Variants in VIM observed in about 807,000 individuals in gnomAD.
VIM encodes vimentin.
A neutral mutation model predicts 50.3 loss-of-function variants in VIM; 18 were observed. The ratio of observed to expected loss-of-function variants is 0.36; its 90% CI spans 0.25 to 0.53. VIM has a LOEUF of 0.53. Among genes scored for constraint, VIM ranks in the 20% least tolerant of loss-of-function variants. The probability of loss-of-function intolerance (pLI) is 0.91; values close to 1 mark genes in which losing one functional copy is unlikely to be tolerated. For missense variants in VIM, 551 were observed against 614.7 expected (o/e 0.90, Z 1.10); for synonymous variants, 245 against 248.5 (o/e 0.99, Z 0.13).
intron 8 of VIM, 118 bp downstream of exon 8, chr10:17,236,007 T>TA: frequency 8.8e-7 from 1 of 1,141,808 alleles, no homozygotes; most frequent in South Asian, 1.3e-5. Context: ...GAAAACTCTA[T>TA]AAAACATCTA....
At position 17,229,274 on chromosome 10, in the gene VIM, A is replaced by G. The variant is rs1442160062; in HGVS notation, c.-147-2A>G. ...AAAAACAGCGCCCTCGGCGGGGTCC[A>G]GTCCTCTGCCACTCTCGCTCCGAGG... On this transcript the variant is annotated splice_acceptor_variant, in intron 1 of 9. Transcript: ENST00000544301. LOFTEE classifies it low-confidence loss of function (5UTR_SPLICE). 2 of 795,352 alleles carry G rather than the reference A, an allele frequency of 2.5e-6. No homozygotes were observed. Among genetic ancestry groups the G allele is most frequent in the Non-Finnish European group, 4.0e-6 (2 of 495,564 alleles). The allele number at this position is 795,352 out of a possible 1,614,324, so 49.3% of individuals were successfully genotyped here. A position where few individuals can be genotyped will look rare whatever the true frequency, so the allele number is the denominator to read the frequency against.
Position 17,229,611 on chromosome 10 carries a change from G to A in VIM, c.189G>A (p.Thr63=), listed in dbSNP as rs1846744345. The A allele has an allele frequency of 6.3e-7, 1 of 1,597,736 alleles. No individual in the cohort carries two copies. The highest frequency in any genetic ancestry group is 1.3e-5 in the African/African-American group (1 of 74,576). ...CGTCCCCGGGCGGCGTGTATGCCAC[G>A]CGCTCCTCTGCCGTGCGCCTGCGGA... The part of the protein sequence containing the change: ...YASSPGGVYA[T]RSSAVRLRSS... Residue 63 remains threonine (T), a synonymous_variant, in exon 2 of 10, where the codon ACG becomes ACA. Transcript: ENST00000544301.
rs957357494 is a variant in VIM, at chr10:17,236,008, A to G, written c.1273+119A>G. On this transcript the variant is annotated intron_variant, in intron 8 of 9. Coordinates refer to ENST00000544301, the MANE Select transcript of VIM (RefSeq NM_003380.5). The stretch of plus-strand genomic sequence containing the variant: ...AATGCCATATAAGAGAAAACTCTAT[A>G]AAACATCTATAATTTTCGAACCCAA... The G allele has an allele frequency of 2.3e-5, 26 of 1,143,936 alleles. No individual in the cohort carries two copies. In the African/African-American group the frequency reaches 3.9e-4, roughly 17 times the overall value. The allele number at this position is 1,143,936 out of a possible 1,614,324, so 70.9% of individuals were successfully genotyped here.
chr10:17,230,820 T>A, intron 3 of VIM, 110 bp downstream of exon 3: 1 of 1,282,530 alleles, frequency 7.8e-7, no homozygotes, highest in Non-Finnish European at 1.1e-6. Context: ...ACTTCAGGGC[T>A]GCGCGTAAAG....
intron 9 of VIM, among the ~76,000 whole-genome samples, chr10:17,236,989 T>A (rs1234690332): frequency 6.6e-6 from 1 of 152,176 alleles, no homozygotes; most frequent in Non-Finnish European, 1.5e-5. Flanking sequence ...TAAACACAGT[T>A]TTTTAAGAAA....
At chr10:17,233,046 G>T (rs950672371) in intron 3 of VIM, among the ~76,000 whole-genome samples, 1 of 152,174 alleles carries the variant, frequency 6.6e-6, no homozygotes, top group Middle Eastern at 3.2e-3. Context: ...CTCCTGGGTT[G>T]AAGAAATTCT....
chr10:17,228,247 C>T lies in VIM; in HGVS notation c.-425C>T, dbSNP rs1846712770. On this transcript the variant is annotated 5_prime_UTR_variant, in exon 1 of 10. Coordinates refer to ENST00000544301, the MANE Select transcript of VIM (RefSeq NM_003380.5). ...CCCGGTGCAATCGTGATCTGGGAGG[C>T]CCACGTATGGCGCCTCTCCAAAGGC... is the stretch of plus-strand genomic sequence containing the variant. 1 of 152,176 alleles carries T rather than the reference C, an allele frequency of 6.6e-6. No individual in the cohort carries two copies. The highest frequency in any genetic ancestry group is 2.4e-5 in the African/African-American group (1 of 41,428). The allele number at this position is 152,176 out of a possible 1,614,324, so 9.4% of individuals were successfully genotyped here.
At chr10:17,234,006 C>G in intron 5 of VIM, 75 bp downstream of exon 5, 1 of 1,543,570 alleles carries the variant, frequency 6.5e-7, no homozygotes, top group Non-Finnish European at 8.8e-7. Context: ...GTGTGTGATT[C>G]CTAAATATCC....
At chr10:17,230,916 T>A in intron 3 of VIM, 1 of 556,628 alleles carries the variant, frequency 1.8e-6, no homozygotes. Flanking sequence ...TTTTTTTTTT[T>A]TTTTGAGACG....
In VIM at chr10:17,237,572, C is replaced by A; in HGVS notation, c.*301C>A. 3.3e-6 allele frequency: 1 copy of A among 307,572 alleles called. No homozygotes were observed. Among genetic ancestry groups the A allele is most frequent in the Non-Finnish European group, 6.0e-6 (1 of 166,928 alleles). The allele number at this position is 307,572 out of a possible 1,614,324, so 19.1% of individuals were successfully genotyped here. On this transcript the variant is annotated 3_prime_UTR_variant, in exon 10 of 10. Transcript: ENST00000544301. Reference sequence around the variant, plus strand: ...GTATCCAACCAACTTGGTTCTGCTTCAATAAATCTTTGGAAAAACTCTTTT... The same window carrying A: ...GTATCCAACCAACTTGGTTCTGCTTAAATAAATCTTTGGAAAAACTCTTTT...
At chr10:17,230,347 G>A (rs529197835) in intron 2 of VIM, 3 of 569,374 alleles carry the variant, frequency 5.3e-6, no homozygotes, top group African/African-American at 1.9e-5. Context: ...GCCAATCACC[G>A]GGCGGGAGAA....
intron 3 of VIM, 33 bp from the exon 4 acceptor site, chr10:17,233,554 C>G (rs781628024): frequency 1.3e-6 from 2 of 1,599,398 alleles, no homozygotes; most frequent in Admixed American, 1.7e-5. Flanking sequence ...CTTTTACATC[C>G]TCCATGTCCT....
Position 17,229,118 on chromosome 10 carries a change from G to T in VIM, c.-147-158G>T, listed in dbSNP as rs539100868. The T allele has an allele frequency of 8.3e-5, 40 of 481,286 alleles. No homozygotes were observed. In the Middle Eastern group the frequency reaches 2.2e-3, roughly 27 times the overall value. The allele number at this position is 481,286 out of a possible 1,614,324, so 29.8% of individuals were successfully genotyped here. ...GGACCATGCCCAGTCCCAGGCCCCG[G>T]AGCAGGAAGGCTCGAGGGCGCCCCC... On this transcript the variant is annotated intron_variant, in intron 1 of 9. Coordinates refer to ENST00000544301, the MANE Select transcript of VIM (RefSeq NM_003380.5).
At chr10:17,230,815 A>C in intron 3 of VIM, 105 bp downstream of exon 3, 10 of 1,341,292 alleles carry the variant, frequency 7.5e-6, no homozygotes, top group Non-Finnish European at 1.1e-5. Context: ...GCAAAACTTC[A>C]GGGCTGCGCG....
intron 2 of VIM, 32 bp downstream of exon 2, chr10:17,230,017 T>G (rs767988668): frequency 1.3e-6 from 2 of 1,584,836 alleles, no homozygotes; most frequent in East Asian, 4.6e-5. Flanking sequence ...TAGCTGGGCC[T>G]CGGGAGGGGG....
chr10:17,230,562 C>G (rs538674897), intron 2 of VIM, 88 bp from the exon 3 acceptor site: 2 of 1,407,728 alleles, frequency 1.4e-6, no homozygotes, highest in Admixed American at 1.7e-5. Context: ...GCTCTGGAGG[C>G]GCAGAGCGAA....
chr10:17,235,414 T>C, intron 7 of VIM, 25 bp downstream of exon 7: 1 of 1,611,410 alleles, frequency 6.2e-7, no homozygotes, highest in Non-Finnish European at 8.5e-7. Context: ...CTTGGATGCG[T>C]GAACTAATGG....
In VIM at chr10:17,236,175, G is replaced by T. The variant is rs1846886093; in HGVS notation, c.1274-119G>T. Reference sequence around the variant, plus strand: ...AGACTACCCTAAAATTATTTGGCGAGTAGTACTTTACACAATTGCCTCTCC... The same window carrying T: ...AGACTACCCTAAAATTATTTGGCGATTAGTACTTTACACAATTGCCTCTCC... On this transcript the variant is annotated intron_variant, in intron 8 of 9. Transcript: ENST00000544301. 6 of 889,908 alleles carry T rather than the reference G, an allele frequency of 6.7e-6. No individual in the cohort carries two copies. The Admixed American group carries it at 8.6e-5, about 13-fold the overall frequency. The allele number at this position is 889,908 out of a possible 1,614,324, so 55.1% of individuals were successfully genotyped here. A position where few individuals can be genotyped will look rare whatever the true frequency, so the allele number is the denominator to read the frequency against.
rs1272531008 is a variant in VIM at position 17,237,229 on chromosome 10, G to A, written c.1360-1G>A. ...TTATTTTGGTTTTTTTTTTTAAACA[G>A]GTTATCAACGAAACTTCTCAGCATC... On this transcript the variant is annotated splice_acceptor_variant, in intron 9 of 9. Coordinates refer to ENST00000544301, the MANE Select transcript of VIM (RefSeq NM_003380.5). LOFTEE classifies it high-confidence loss of function. The A allele has an allele frequency of 6.2e-7, 1 of 1,602,148 alleles. No homozygotes were observed.
Sources: gnomAD v4.1 joint callset for allele counts (sites outside exome capture counted in the v4.1 genomes callset) on GRCh38, gnomAD v4.1.1 for gene constraint, MANE v1.5 for transcripts, NCBI Gene and HGNC (gene_info 2026-07-23, HGNC 2026-07-21) for gene names.